MYOM2: variants seen among roughly 807,000 people sequenced by gnomAD.
MYOM2 encodes myomesin 2.
MYOM2 carries 254 observed loss-of-function variants against 187.6 expected under a neutral mutation model. That is an observed-to-expected ratio of 1.35 (90% CI 1.22 to 1.50). The LOEUF (loss-of-function observed/expected upper bound fraction) is 1.50. MYOM2 is among the 40% of genes most tolerant of loss of function. The pLI, the probability that MYOM2 is intolerant of heterozygous loss-of-function variation, is 0.00. For missense variants in MYOM2, 2,796 were observed against 1,924.0 expected, an observed-to-expected ratio of 1.45 and a Z score of -8.48; for synonymous variants, 981 against 753.8, an observed-to-expected ratio of 1.30 and a Z score of -4.94.
intron 11 of MYOM2, chr8:2,076,562 C>G (rs960229135): frequency 9.6e-6 from 4 of 418,464 alleles, no homozygotes; most frequent in East Asian, 4.7e-5. Context: ...CGTCTTCAGG[C>G]TCACTCTGAG....
At chr8:2,078,654 C>A in intron 11 of MYOM2, 80 bp from the exon 12 acceptor site, 2 of 1,235,532 alleles carry the variant, frequency 1.6e-6, no homozygotes, top group Non-Finnish European at 2.4e-6. Context: ...TCAGTGTGTG[C>A]ATATATGCAT....
rs1227739229 is a variant in MYOM2 at position 2,109,470 on chromosome 8, A to G, written c.3119A>G (p.His1040Arg). Residue 1040 changes from histidine (H) to arginine (R), a missense_variant, in exon 25 of 37, where the codon CAC becomes CGC. Coordinates refer to ENST00000262113, the MANE Select transcript of MYOM2 (RefSeq NM_003970.4). ...GTTCGCTTCTGGCTCCAGGCTGAGC[A>G]CTTATCACCAGATGCCAGCTACCGA... Reference protein sequence around the residue: ...GRVRFWLQAEHLSPDASYRFI... With the variant: ...GRVRFWLQAERLSPDASYRFI... The G allele has an allele frequency of 1.2e-6, 2 of 1,613,566 alleles. No homozygotes were observed. The highest frequency in any genetic ancestry group is 8.5e-7 in the Non-Finnish European group (1 of 1,179,748).
chr8:2,104,429 C>T (rs890494424), intron 21 of MYOM2, among the ~76,000 whole-genome samples: 11 of 151,856 alleles, frequency 7.2e-5, no homozygotes, highest in Admixed American at 5.9e-4. Flanking sequence ...AGTGAAACCC[C>T]GTCTCTACTA....
rs1479670443 is a variant in MYOM2 at position 2,108,945 on chromosome 8, T to C, written c.3043+115T>C. 1.1e-5 allele frequency: 11 copies of C among 999,442 alleles called. No homozygotes were observed. In the African/African-American group the frequency reaches 1.5e-4, roughly 13 times the overall value. The allele number at this position is 999,442 out of a possible 1,614,324, so 61.9% of individuals were successfully genotyped here. On this transcript the variant is annotated intron_variant, in intron 24 of 36. Transcript: ENST00000262113. ...TTGGGGAAAGGATGGCCTGATTTCC[T>C]GATCCCAGCTTACAGGATTGAAACC... is the stretch of plus-strand genomic sequence containing the variant.
chr8:2,099,478 T>C (rs1460612955), intron 19 of MYOM2, among the ~76,000 whole-genome samples: 8 of 151,776 alleles, frequency 5.3e-5, no homozygotes, highest in African/African-American at 1.9e-4. Flanking sequence ...GACAGGGTTC[T>C]CATTCGTGGG....
chr8:2,070,271 T>C (rs1819168059), intron 8 of MYOM2, among the ~76,000 whole-genome samples: 1 of 152,254 alleles, frequency 6.6e-6, no homozygotes, highest in Non-Finnish European at 1.5e-5. Context: ...CTGATTTTAC[T>C]GTAATGCGAG....
rs755061905 is a variant in MYOM2, at chr8:2,072,383, G to A, written c.832G>A (p.Val278Ile). Residue 278 changes from valine to isoleucine, a missense_variant, in exon 9 of 37, where the codon GTC (valine) becomes ATC (isoleucine). Coordinates refer to ENST00000262113, the MANE Select transcript of MYOM2 (RefSeq NM_003970.4). ...GATGATTCCGTACACGCACTTCGAC[G>A]TCCAGTTTTTGGAGAAGTTTGGGGT... is the stretch of plus-strand genomic sequence containing the variant. ...SSMIPYTHFD[V>I]QFLEKFGVTF... 9 of 1,613,702 alleles carry A rather than the reference G, an allele frequency of 5.6e-6. No individual in the cohort carries two copies. Among genetic ancestry groups the A allele is most frequent in the Admixed American group, 3.3e-5 (2 of 59,986 alleles).
chr8:2,059,823 A>T, intron 6 of MYOM2, among the ~76,000 whole-genome samples: 1 of 149,840 alleles, frequency 6.7e-6, no homozygotes, highest in Non-Finnish European at 1.5e-5. Flanking sequence ...GCTCACCACA[A>T]CCTCCACTTC....
At chr8:2,112,382 T>A (rs1797095720) in intron 25 of MYOM2, among the ~76,000 whole-genome samples, 2 of 107,292 alleles carry the variant, frequency 1.9e-5, no homozygotes, top group African/African-American at 3.7e-5. Flanking sequence ...GTTAAGGAGG[T>A]AGAAATCATG....
chr8:2,136,661 C>A (rs1022531775), intron 32 of MYOM2, among the ~76,000 whole-genome samples: 1 of 152,162 alleles, frequency 6.6e-6, no homozygotes, highest in African/African-American at 2.4e-5. Flanking sequence ...TGCTGCCCAG[C>A]CGGTGTGTCC....
intron 32 of MYOM2, among the ~76,000 whole-genome samples, chr8:2,131,069 C>T (rs558417212): frequency 1.5e-4 from 23 of 152,302 alleles, no homozygotes; most frequent in Admixed American, 7.8e-4. Flanking sequence ...GTTTGTAGTA[C>T]AGGCCATGCG....
At position 2,052,291 on chromosome 8, in the gene MYOM2, G is replaced by A. The variant is rs35985218; in HGVS notation, c.241G>A (p.Glu81Lys). ...GAAGCGAGTGAGCACGCAGGAAGAT[G>A]AGGAGCAGGAGAACAGAAGCAGGTG... Reference protein sequence around the residue: ...CAKRVSTQEDEEQENRSRYQS... With the variant: ...CAKRVSTQEDKEQENRSRYQS... Residue 81 changes from glutamate (E) to lysine (K), a missense_variant, in exon 3 of 37, where the codon GAG (glutamate) becomes AAG (lysine). By Grantham distance (56) the Glu-to-Lys change is moderately conservative. Transcript: ENST00000262113. The A allele has an allele frequency of 0.015, 23,722 of 1,605,502 alleles. 248 individuals carry two copies. The highest frequency in any genetic ancestry group is 0.033 in the South Asian group (2,971 of 89,674).
At chr8:2,070,621 C>G (rs1372842437) in intron 8 of MYOM2, among the ~76,000 whole-genome samples, 2 of 129,654 alleles carry the variant, frequency 1.5e-5, no homozygotes, top group East Asian at 2.3e-4. Context: ...CCCGGGGTTT[C>G]TCCTATCTAT....
At chr8:2,096,101 G>A (rs759332286) in intron 17 of MYOM2, 146 bp from the exon 18 acceptor site, 97 of 700,224 alleles carry the variant, frequency 1.4e-4, no homozygotes, top group Non-Finnish European at 2.1e-4. Flanking sequence ...GTGGTTAAGT[G>A]TGGGTTGAGA....
At chr8:2,050,646 G>T in intron 1 of MYOM2, 109 bp from the exon 2 acceptor site, 1 of 590,756 alleles carries the variant, frequency 1.7e-6, no homozygotes. Flanking sequence ...CCTTCCCAAG[G>T]GGGTTTTATT....
intron 32 of MYOM2, among the ~76,000 whole-genome samples, chr8:2,136,286 C>T (rs527308429): frequency 5.9e-5 from 9 of 152,276 alleles, no homozygotes; most frequent in South Asian, 2.1e-4. Flanking sequence ...GGTCCTGGCT[C>T]AGGGCATCTT....
intron 32 of MYOM2, among the ~76,000 whole-genome samples, chr8:2,137,804 G>A (rs1798133766): frequency 6.6e-6 from 1 of 152,180 alleles, no homozygotes; most frequent in Non-Finnish European, 1.5e-5. Context: ...TGATTGGTCT[G>A]TAAAGTGTCC....
chr8:2,138,283 C>T lies in MYOM2; in HGVS notation c.3801-2440C>T, dbSNP rs376254910. 1.1e-4 allele frequency among the ~76,000 whole-genome samples: 17 copies of T among 152,302 alleles called. No individual in the cohort carries two copies. The East Asian group carries it at 1.5e-3, about 14-fold the overall frequency. On this transcript the variant is annotated intron_variant, in intron 32 of 36. Transcript: ENST00000262113. ...CGGCTCTGGCTGCTGAGTGCTGGGG[C>T]CTGGGGTCATGGCCTCATCGCTTCT...
intron 15 of MYOM2, among the ~76,000 whole-genome samples, chr8:2,091,942 C>T (rs994046233): frequency 6.6e-6 from 1 of 152,144 alleles, no homozygotes; most frequent in Non-Finnish European, 1.5e-5. Flanking sequence ...TTTGAGTGCC[C>T]CTCGGAGATT....
Sources: allele counts gnomAD v4.1 joint callset (sites outside exome capture counted in the v4.1 genomes callset), GRCh38; gene constraint gnomAD v4.1.1; transcripts MANE v1.5; gene names NCBI Gene and HGNC (gene_info 2026-07-23, HGNC 2026-07-21).